PLD1: variants seen among roughly 807,000 people sequenced by gnomAD.
The protein encoded by PLD1 is choline phosphatase 1.
Under a neutral mutation model 137.1 loss-of-function variants are expected in PLD1, and 112 were observed. That is an observed-to-expected ratio of 0.82 (90% CI 0.70 to 0.96). The LOEUF is 0.96. Among genes scored for constraint, PLD1 ranks in the 40% least tolerant of loss-of-function variants. The pLI, the probability that PLD1 is intolerant of heterozygous loss-of-function variation, is 0.00. For missense variants in PLD1, 1,321 were observed against 1,342.0 expected (o/e 0.98, Z 0.24); for synonymous variants, 431 against 454.7 (o/e 0.95, Z 0.66).
chr3:171,648,074 T>C (rs1209499389), intron 21 of PLD1, among the ~76,000 whole-genome samples: 1 of 152,214 alleles, frequency 6.6e-6, no homozygotes, highest in African/African-American at 2.4e-5. Flanking sequence ...GACTGAATAA[T>C]ATTCCATGGT....
chr3:171,686,621 T>A (rs1344111553), intron 16 of PLD1, 64 bp downstream of exon 16: 5 of 822,942 alleles, frequency 6.1e-6, no homozygotes, highest in East Asian at 2.5e-5. Flanking sequence ...ACTATGCCCA[T>A]GCAGCAGACA....
intron 1 of PLD1, among the ~76,000 whole-genome samples, chr3:171,748,137 A>C (rs1026075394): frequency 6.6e-6 from 1 of 152,228 alleles, no homozygotes; most frequent in Non-Finnish European, 1.5e-5. Context: ...ACGTCTAAGA[A>C]GATTTATTCC....
chr3:171,604,946 T>G (rs1732089995), intron 26 of PLD1, among the ~76,000 whole-genome samples: 1 of 152,214 alleles, frequency 6.6e-6, no homozygotes, highest in African/African-American at 2.4e-5. Context: ...CGGGGTGAGC[T>G]AGGCTGGACT....
Position 171,687,702 on chromosome 3 carries a change from A to G in PLD1, c.1540-118T>C, listed in dbSNP as rs149470523. ...AAATGATGGAGGTTCTATAACAGAC[A>G]TGCAATAATGTCTGAGGTCAGCCAC... is the stretch of plus-strand genomic sequence containing the variant. On this transcript the variant is annotated intron_variant, in intron 14 of 26. Transcript: ENST00000351298. The G allele has an allele frequency of 8.2e-5, 55 of 667,972 alleles. No homozygotes were observed. In the East Asian group the frequency reaches 1.3e-3, roughly 15 times the overall value. 41.4% of individuals were successfully genotyped at this position (667,972 alleles called of 1,614,324 possible).
At chr3:171,805,585 G>GTGC (rs1287170671) in intron 1 of PLD1, among the ~76,000 whole-genome samples, 2 of 152,118 alleles carry the variant, frequency 1.3e-5, no homozygotes, top group Non-Finnish European at 2.9e-5. Context: ...CCCTGCCCCA[G>GTGC]TGCTTCTACC....
chr3:171,748,137 A>T (rs1026075394), intron 1 of PLD1, among the ~76,000 whole-genome samples: 1 of 152,228 alleles, frequency 6.6e-6, no homozygotes, highest in Admixed American at 6.5e-5. Flanking sequence ...ACGTCTAAGA[A>T]GATTTATTCC....
rs183827909 is a variant in PLD1, at chr3:171,759,655, A to G, written c.-31-21573T>C. On this transcript the variant is annotated intron_variant, in intron 1 of 26. Coordinates refer to ENST00000351298, the MANE Select transcript of PLD1 (RefSeq NM_002662.5). The stretch of plus-strand genomic sequence containing the variant: ...AGAATTCCATTCCTGAAAATTAAAG[A>G]TATTTTACACGTTTGTGTATGTACG... 3.4e-3 allele frequency among the ~76,000 whole-genome samples: 516 copies of G among 152,320 alleles called. 1 individual carries two copies. Among genetic ancestry groups the G allele is most frequent in the Non-Finnish European group, 5.4e-3 (369 of 68,022 alleles).
At chr3:171,726,420 T>C (rs1486894518) in intron 6 of PLD1, among the ~76,000 whole-genome samples, 1 of 152,176 alleles carries the variant, frequency 6.6e-6, no homozygotes, top group African/African-American at 2.4e-5. Flanking sequence ...TGGCACAGTG[T>C]ACACTCAAAC....
chr3:171,762,357 T>C (rs1356042322), intron 1 of PLD1, among the ~76,000 whole-genome samples: 9 of 152,202 alleles, frequency 5.9e-5, no homozygotes, highest in East Asian at 3.8e-4. Flanking sequence ...AAATCAGATA[T>C]AGTTAAATAT....
At chr3:171,665,617 T>C (rs1712038963) in intron 19 of PLD1, among the ~76,000 whole-genome samples, 2 of 151,974 alleles carry the variant, frequency 1.3e-5, no homozygotes, top group African/African-American at 4.8e-5. Context: ...GGCGAATCGC[T>C]TGAACCCAGG....
intron 5 of PLD1, among the ~76,000 whole-genome samples, chr3:171,733,961 A>G (rs1560261686): frequency 6.6e-6 from 1 of 152,324 alleles, no homozygotes; most frequent in East Asian, 1.9e-4. Flanking sequence ...AGTAGAATGT[A>G]CTGATTTTAA....
intron 1 of PLD1, among the ~76,000 whole-genome samples, chr3:171,760,086 G>C (rs938238647): frequency 6.6e-6 from 1 of 152,134 alleles, no homozygotes; most frequent in Non-Finnish European, 1.5e-5. Flanking sequence ...AAGCCAAGAA[G>C]TATATTTGAC....
chr3:171,617,514 C>T (rs1186112240), intron 24 of PLD1, among the ~76,000 whole-genome samples: 1 of 148,118 alleles, frequency 6.8e-6, no homozygotes, highest in East Asian at 2.0e-4. Flanking sequence ...CTCTATTGTG[C>T]TTTGCAGTGG....
At chr3:171,709,902 T>C (rs1381735092) in intron 9 of PLD1, among the ~76,000 whole-genome samples, 193 bp from the exon 10 acceptor site, 1 of 152,168 alleles carries the variant, frequency 6.6e-6, no homozygotes, top group African/African-American at 2.4e-5. Flanking sequence ...TCAGGTTACT[T>C]ATTCATTCAC....
chr3:171,725,568 T>A (rs1022024462), intron 7 of PLD1, among the ~76,000 whole-genome samples: 12 of 152,246 alleles, frequency 7.9e-5, no homozygotes, highest in African/African-American at 2.4e-4. Context: ...GCTCTTTATG[T>A]TTTCAAGCTC....
intron 23 of PLD1, among the ~76,000 whole-genome samples, chr3:171,623,192 T>TA (rs1733778736): frequency 1.3e-5 from 2 of 151,956 alleles, no homozygotes; most frequent in Non-Finnish European, 2.9e-5. Flanking sequence ...AATGTAATGG[T>TA]AAAAATGCCA....
At chr3:171,758,750 G>C (rs958032344) in intron 1 of PLD1, among the ~76,000 whole-genome samples, 5 of 152,194 alleles carry the variant, frequency 3.3e-5, no homozygotes, top group Non-Finnish European at 7.3e-5. Flanking sequence ...AGCTGGCTTT[G>C]GCTGTATCAG....
intron 1 of PLD1, among the ~76,000 whole-genome samples, chr3:171,749,927 G>T (rs1252522646): frequency 6.6e-6 from 1 of 152,146 alleles, no homozygotes; most frequent in Non-Finnish European, 1.5e-5. Context: ...GGACAGATGG[G>T]GTTTGGTGTT....
chr3:171,770,121 T>C (rs920213897), intron 1 of PLD1, among the ~76,000 whole-genome samples: 1 of 152,250 alleles, frequency 6.6e-6, no homozygotes, highest in African/African-American at 2.4e-5. Flanking sequence ...TCTCTGTGCT[T>C]AATTATATTG....
Sources: gnomAD v4.1 joint callset for allele counts (sites outside exome capture counted in the v4.1 genomes callset) on GRCh38, gnomAD v4.1.1 for gene constraint, MANE v1.5 for transcripts, NCBI Gene and HGNC (gene_info 2026-07-23, HGNC 2026-07-21) for gene names.